COL2A1: variants seen among roughly 807,000 people sequenced by gnomAD.
COL2A1 encodes collagen type II alpha 1 chain, also known as collagen alpha-1(II) chain.
In COL2A1, 28 loss-of-function variants were observed where a neutral mutation model predicts 204.5. The ratio of observed to expected loss-of-function variants is 0.14; its 90% CI spans 0.10 to 0.19. COL2A1 has a LOEUF of 0.19. Ranked by LOEUF, COL2A1 falls within the 10% of genes least tolerant of loss-of-function variation. The probability of loss-of-function intolerance (pLI) is 1.00; values close to 1 mark genes in which losing one functional copy is unlikely to be tolerated. For synonymous variants in COL2A1, 708 were observed against 718.7 expected (o/e 0.99, Z 0.24); for missense variants, 1,388 against 2,027.5 (o/e 0.68, Z 6.06).
In COL2A1 at chr12:47,986,436, G is replaced by A; in HGVS notation, c.1427C>T (p.Ala476Val). Residue 476 changes from alanine (A) to valine (V), a missense_variant, in exon 23 of 54, where the codon GCT (alanine) becomes GTT (valine). By Grantham distance (64) the Ala-to-Val change is moderately conservative. Coordinates refer to ENST00000380518, the MANE Select transcript of COL2A1 (RefSeq NM_001844.5). ...GGGTCCAGGGGCTCCCTGGGGGCCA[G>A]CAGGGCCCTGAGGACCAGCAAAAAA... Reference protein sequence around the residue: ...EQGPKGEPGPAGPQGAPGPAG... With the variant: ...EQGPKGEPGPVGPQGAPGPAG... 1 of 1,554,564 alleles carries A rather than the reference G, an allele frequency of 6.4e-7. No homozygotes were observed.
At chr12:47,984,256 A>G (rs528441560) in intron 28 of COL2A1, 116 bp from the exon 29 acceptor site, 2 of 946,972 alleles carry the variant, frequency 2.1e-6, no homozygotes, top group East Asian at 5.2e-5. Context: ...ACGGTACCCC[A>G]GCTGAGCTCC....
In COL2A1 at chr12:47,980,577, G is replaced by A. The variant is rs770043048; in HGVS notation, c.2602C>T (p.Pro868Ser). The change falls in exon 39 of 54, where the codon CCC (proline) becomes TCC (serine). Residue 868 changes from proline (P) to serine (S), a missense_variant. Around this residue, in one of 3 missense-constraint regions of COL2A1, gnomAD observed 884 missense variants for 1,415.8 expected, o/e 0.62. Transcript: ENST00000380518. This position sits in a 1 kb window ranked among gnomAD's most constrained non-coding sequence, Gnocchi z 4.5. ...ACCTGAGGCCCAGGTGCTCCAGAGG[G>A]GCCCTGAGGACCAGGGGCACCAGCA... ...GDAGAPGPQG[P>S]SGAPGPQGPT... 25 of 1,611,366 alleles carry A rather than the reference G, an allele frequency of 1.6e-5. No individual in the cohort carries two copies. Among genetic ancestry groups the A allele is most frequent in the Middle Eastern group, 1.6e-4 (1 of 6,082 alleles).
At chr12:47,994,354 C>T in intron 12 of COL2A1, 70 bp downstream of exon 12, 1 of 1,524,400 alleles carries the variant, frequency 6.6e-7, no homozygotes, top group Admixed American at 1.7e-5. Flanking sequence ...GAACTGGATG[C>T]ACTGTGTTTA....
intron 51 of COL2A1, 138 bp from the exon 52 acceptor site, chr12:47,975,000 G>T: frequency 1.1e-6 from 1 of 918,246 alleles, no homozygotes; most frequent in East Asian, 2.5e-5. Context: ...CTGAAAGGAG[G>T]GGGACCTGGG....
rs562353418 is a variant in COL2A1, at chr12:48,001,656, T to C, written c.86-1531A>G. On this transcript the variant is annotated intron_variant, in intron 1 of 53. Coordinates refer to ENST00000380518, the MANE Select transcript of COL2A1 (RefSeq NM_001844.5). ...GCGCAGGGGCGGGGCCAGGCTGCGCTGGGTGTAAGAGCCGCTGAGTGACTC... is the reference window on the plus strand; with the variant it reads ...GCGCAGGGGCGGGGCCAGGCTGCGCCGGGTGTAAGAGCCGCTGAGTGACTC... 7.2e-5 allele frequency among the ~76,000 whole-genome samples: 11 copies of C among 152,202 alleles called. No homozygotes were observed. The East Asian group carries it at 1.9e-3, about 27-fold the overall frequency.
In COL2A1 at chr12:47,975,603, A is replaced by C. The variant is rs1284336050; in HGVS notation, c.3600T>G (p.Gly1200=). The change falls in exon 51 of 54, where the codon GGT becomes GGG. Residue 1200 remains glycine, a splice_region_variant and synonymous_variant. Transcript: ENST00000380518. ...RGRSGETGPA[G]PPGNPGPPGP... ...CAGGGGGTCCAGGATTTCCAGGAGG[A>C]CCCTGCAGCAGGAAACAGAGAGATC... 6 of 1,599,510 alleles carry C rather than the reference A, an allele frequency of 3.8e-6. No individual in the cohort carries two copies. The Admixed American group carries it at 5.0e-5, about 13-fold the overall frequency.
chr12:47,996,506 C>T (rs779289400), intron 8 of COL2A1, 42 bp downstream of exon 8: 43 of 1,548,820 alleles, frequency 2.8e-5, no homozygotes, highest in Admixed American at 8.3e-5. Flanking sequence ...TAAGGGCCAC[C>T]TCCTGCCATT....
At chr12:48,005,108 G>C (rs1315516155), upstream of COL2A1, among the ~76,000 whole-genome samples, 1 of 152,306 alleles carries the variant, frequency 6.6e-6, no homozygotes, top group South Asian at 2.1e-4. Flanking sequence ...CACAGCGACT[G>C]CCCTCCACCC....
At chr12:47,984,923 C>T in intron 27 of COL2A1, 72 bp downstream of exon 27, 1 of 1,307,140 alleles carries the variant, frequency 7.7e-7, no homozygotes, top group Non-Finnish European at 1.1e-6. Flanking sequence ...CAGGACCCAG[C>T]CCTTTCCCCA....
Position 47,977,379 on chromosome 12 carries a change from G to T in COL2A1, c.3214C>A (p.Pro1072Thr). 1 of 1,613,574 alleles carries T rather than the reference G, an allele frequency of 6.2e-7. No individual in the cohort carries two copies. Among genetic ancestry groups the T allele is most frequent in the Non-Finnish European group, 8.5e-7 (1 of 1,179,686 alleles). The change falls in exon 46 of 54, where the codon CCC becomes ACC. Residue 1072 changes from proline to threonine, a missense_variant. By Grantham distance (38) the Pro-to-Thr change is conservative. Coordinates refer to ENST00000380518, the MANE Select transcript of COL2A1 (RefSeq NM_001844.5). ...CCAGCGGGGCCAGGGGAGCCAGGGGGCCCAGGGGCTCCAGGAGCTCCCACA... is the reference window on the plus strand; with the variant it reads ...CCAGCGGGGCCAGGGGAGCCAGGGGTCCCAGGGGCTCCAGGAGCTCCCACA... Reference protein sequence around the residue: ...GAVGAPGAPGPPGSPGPAGPT... With the variant: ...GAVGAPGAPGTPGSPGPAGPT...
intron 26 of COL2A1, 23 bp from the exon 27 acceptor site, chr12:47,985,116 C>G (rs1201871706): frequency 6.3e-7 from 1 of 1,587,586 alleles, no homozygotes; most frequent in Admixed American, 1.7e-5. Flanking sequence ...ACACCATTCT[C>G]AGAACATAGA....
At chr12:47,995,482 G>T (rs1939911707) in intron 10 of COL2A1, among the ~76,000 whole-genome samples, 174 bp from the exon 11 acceptor site, 2 of 152,200 alleles carry the variant, frequency 1.3e-5, no homozygotes, top group Non-Finnish European at 2.9e-5. Context: ...AGCACAGGCT[G>T]GGGTGACCCG....
intron 16 of COL2A1, among the ~76,000 whole-genome samples, chr12:47,990,207 G>C (rs1416555537): frequency 2.6e-5 from 4 of 152,098 alleles, no homozygotes; most frequent in African/African-American, 9.7e-5. Context: ...ACTGGGTTTT[G>C]CTATGTTGGC....
At chr12:47,995,130 C>G (rs1462301581) in intron 11 of COL2A1, 125 bp downstream of exon 11, 1 of 815,136 alleles carries the variant, frequency 1.2e-6, no homozygotes, top group Non-Finnish European at 2.2e-6. Context: ...GGGTTTGGGA[C>G]TGCCCAGTCT....
At position 47,985,585 on chromosome 12, in the gene COL2A1, A is replaced by G; in HGVS notation, c.1683T>C (p.Gly561=). The G allele has an allele frequency of 6.2e-7, 1 of 1,613,910 alleles. No individual in the cohort carries two copies. Among genetic ancestry groups the G allele is most frequent in the South Asian group, 1.1e-5 (1 of 91,076 alleles). Residue 561 remains glycine (G), a splice_region_variant and synonymous_variant, in exon 26 of 54, where the codon GGT becomes GGC. Transcript: ENST00000380518. ...PGEPGLPGAR[G]LTGRPGDAGP... ...CAGCATCACCAGGGCGGCCAGTGAGACCCTTTGTTCAGGAGAGAGAAGAGG... is the reference window on the plus strand; with the variant it reads ...CAGCATCACCAGGGCGGCCAGTGAGGCCCTTTGTTCAGGAGAGAGAAGAGG...
chr12:48,000,354 T>C (rs1940175578), intron 1 of COL2A1, among the ~76,000 whole-genome samples: 1 of 152,228 alleles, frequency 6.6e-6, no homozygotes, highest in South Asian at 2.1e-4. Flanking sequence ...ATGTTGTCTA[T>C]TCACCAGTGA....
intron 27 of COL2A1, 151 bp from the exon 28 acceptor site, chr12:47,984,750 A>G (rs1275708936): frequency 1.2e-5 from 10 of 832,390 alleles, no homozygotes; most frequent in Non-Finnish European, 1.8e-5. Flanking sequence ...TTCAGGGGCC[A>G]TAATGGCAAC....
rs766956840 is a variant in COL2A1 at position 47,994,058 on chromosome 12, A to T, written c.817-11T>A. On this transcript the variant is annotated splice_polypyrimidine_tract_variant and intron_variant, in intron 12 of 53. Transcript: ENST00000380518. ...GAAACCACGAGCACCCTGCAATCCA[A>T]AGTGGAGGTGTTCAGAGCACAGAGT... is the stretch of plus-strand genomic sequence containing the variant. 6.2e-7 allele frequency: 1 copy of T among 1,613,942 alleles called. No homozygotes were observed. Among genetic ancestry groups the T allele is most frequent in the Admixed American group, 1.7e-5 (1 of 60,022 alleles).
chr12:47,975,464 C>G lies in COL2A1; in HGVS notation c.3739G>C (p.Gly1247Arg). Residue 1247 changes from glycine (G) to arginine (R), a missense_variant, in exon 51 of 54, where the codon GGC becomes CGC. By Grantham distance (125) the Gly-to-Arg change is moderately radical (BLOSUM62 -2). Coordinates refer to ENST00000380518, the MANE Select transcript of COL2A1 (RefSeq NM_001844.5). ...ACCTCGGCGTCATGCTGTCTCAGGC[C>G]ACCGGCTGCCTGGTCGGCCCGCATG... Reference protein sequence around the residue: ...QYMRADQAAGGLRQHDAEVDA... With the variant: ...QYMRADQAAGRLRQHDAEVDA... 1 of 1,614,064 alleles carries G rather than the reference C, an allele frequency of 6.2e-7. No homozygotes were observed. Among genetic ancestry groups the G allele is most frequent in the Non-Finnish European group, 8.5e-7 (1 of 1,180,030 alleles).
Sources: allele counts gnomAD v4.1 joint callset (sites outside exome capture counted in the v4.1 genomes callset), GRCh38; gene constraint gnomAD v4.1.1; regional missense constraint gnomAD v4.1.1; non-coding constraint Gnocchi (gnomAD v3.1); transcripts MANE v1.5; gene names NCBI Gene and HGNC (gene_info 2026-07-23, HGNC 2026-07-21).